SCN9A: variants seen among roughly 807,000 people sequenced by gnomAD.
SCN9A encodes the protein sodium voltage-gated channel alpha subunit 9.
Under a neutral mutation model 187.0 loss-of-function variants are expected in SCN9A, and 131 were observed. That is an observed-to-expected ratio of 0.70 (90% CI 0.61 to 0.81). SCN9A has a LOEUF of 0.81. SCN9A is among the 30% of genes least tolerant of loss of function. The pLI is 0.00. For synonymous variants in SCN9A, 809 were observed against 808.6 expected (o/e 1.00, Z -0.01); for missense variants, 2,252 against 2,396.6 (o/e 0.94, Z 1.26).
chr2:166,349,784 C>T (rs1699989449), intron 1 of SCN9A, among the ~76,000 whole-genome samples: 1 of 152,014 alleles, frequency 6.6e-6, no homozygotes, highest in Non-Finnish European at 1.5e-5. Context: ...ACCAGTCTGA[C>T]CAACATGGAG....
At chr2:166,245,711 C>T (rs140088803) in intron 18 of SCN9A, among the ~76,000 whole-genome samples, 4 of 152,016 alleles carry the variant, frequency 2.6e-5, no homozygotes, top group African/African-American at 9.6e-5. Flanking sequence ...TAAGAATGGG[C>T]AGCACTTTTT....
chr2:166,290,938 A>G (rs1220065219), intron 9 of SCN9A, among the ~76,000 whole-genome samples: 1 of 152,230 alleles, frequency 6.6e-6, no homozygotes, highest in Non-Finnish European at 1.5e-5. Flanking sequence ...TCTCAAAATA[A>G]TAAGAGCTAT....
At chr2:166,296,164 C>A (rs1698291977) in intron 7 of SCN9A, 1 of 152,196 alleles carries the variant, frequency 6.6e-6, no homozygotes, top group Non-Finnish European at 1.5e-5. Context: ...TAAGCCTTAG[C>A]TGCTGCATCT....
intron 17 of SCN9A, among the ~76,000 whole-genome samples, chr2:166,253,004 G>C (rs1033716197): frequency 1.3e-5 from 2 of 151,812 alleles, no homozygotes; most frequent in African/African-American, 4.8e-5. Flanking sequence ...GTTCAAGCAA[G>C]TGCAAGTGCT....
chr2:166,313,089 AATT>A (rs1338725504), intron 1 of SCN9A, among the ~76,000 whole-genome samples: 6 of 148,958 alleles, frequency 4.0e-5, no homozygotes, highest in Non-Finnish European at 5.9e-5. Flanking sequence ...TAAATAATAT[AATT>A]ATTATGTAAT....
Position 166,226,066 on chromosome 2 carries a change from T to G in SCN9A, c.4398+501A>C, listed in dbSNP as rs150198727. On this transcript the variant is annotated intron_variant, in intron 24 of 26. Coordinates refer to ENST00000642356, the MANE Select transcript of SCN9A (RefSeq NM_001365536.1). ...TAATTAATTAAAAATTTCAGAAGAT[T>G]GCTCAAATTACAGTATTCAACAAGT... Among the ~76,000 whole-genome samples, 233 of 152,200 alleles carry G rather than the reference T, an allele frequency of 1.5e-3. 1 individual carries two copies. The highest frequency in any genetic ancestry group is 5.2e-3 in the African/African-American group (215 of 41,506).
chr2:166,222,959 A>AAAAAAAAAAAAAAAAAAAAAAC (rs1558960927), intron 24 of SCN9A, among the ~76,000 whole-genome samples: 2 of 146,910 alleles, frequency 1.4e-5, no homozygotes, highest in Non-Finnish European at 1.5e-5. Flanking sequence ...AAAAAAAAAA[A>AAAAAAAAAAAAAAAAAAAAAAC]AAAAAAAAAA....
chr2:166,269,878 A>C (rs895489153), intron 17 of SCN9A, among the ~76,000 whole-genome samples: 1 of 152,046 alleles, frequency 6.6e-6, no homozygotes, highest in Non-Finnish European at 1.5e-5. Context: ...TCCAAGTTTT[A>C]TTCTGAGAGC....
chr2:166,251,716 C>T, intron 18 of SCN9A, 49 bp downstream of exon 18: 2 of 1,608,174 alleles, frequency 1.2e-6, no homozygotes, highest in South Asian at 1.1e-5. Flanking sequence ...AGACAAACCC[C>T]AGAACACTAA....
At chr2:166,309,320 T>C (rs1698865414) in intron 2 of SCN9A, among the ~76,000 whole-genome samples, 1 of 152,188 alleles carries the variant, frequency 6.6e-6, no homozygotes, top group Non-Finnish European at 1.5e-5. Flanking sequence ...TTCATTCTCA[T>C]TAAAAACTTT....
At chr2:166,287,488 T>G (rs34566252) in intron 10 of SCN9A, among the ~76,000 whole-genome samples, 22,889 of 152,070 alleles carry the variant, frequency 0.15, 2,390 homozygotes, top group African/African-American at 0.29. Flanking sequence ...AAATTTAAAT[T>G]TTTTCTGATT....
intron 17 of SCN9A, among the ~76,000 whole-genome samples, chr2:166,269,988 C>T (rs1696904994): frequency 2.0e-5 from 3 of 151,964 alleles, no homozygotes; most frequent in Admixed American, 1.3e-4. Context: ...GTTTCCCTTT[C>T]CATATGATAC....
chr2:166,346,904 T>C (rs1436475628), intron 1 of SCN9A, among the ~76,000 whole-genome samples: 1 of 152,138 alleles, frequency 6.6e-6, no homozygotes, highest in Non-Finnish European at 1.5e-5. Context: ...GCACAATAGT[T>C]TTGAGAAAAG....
At chr2:166,354,233 A>T (rs1371474211) in intron 1 of SCN9A, among the ~76,000 whole-genome samples, 3 of 152,172 alleles carry the variant, frequency 2.0e-5, no homozygotes, top group Admixed American at 1.3e-4. Context: ...CCATCCTTTT[A>T]TGGAGGCTGA....
intron 16 of SCN9A, among the ~76,000 whole-genome samples, chr2:166,274,179 G>A (rs58844845): frequency 0.024 from 3,586 of 152,074 alleles, 143 homozygotes; most frequent in African/African-American, 0.082. Flanking sequence ...TGGCTCATGC[G>A]GTTCTCACTT....
Position 166,198,425 on chromosome 2 carries a change from A to AATCC in SCN9A, c.*246_*247insGGAT, listed in dbSNP as rs33977864. 8.0e-6 allele frequency: 2 copies of AATCC among 251,232 alleles called. No homozygotes were observed. Among genetic ancestry groups the AATCC allele is most frequent in the Non-Finnish European group, 1.3e-5 (2 of 157,534 alleles). The allele number at this position is 251,232 out of a possible 1,614,324, so 15.6% of individuals were successfully genotyped here. A position where few individuals can be genotyped will look rare whatever the true frequency, so the allele number is the denominator to read the frequency against. ...TGATTTATTAAAAACCAAAAAACTG[A>AATCC]ATCACTTTTGTATGCTATAATCAAT... On this transcript the variant is annotated 3_prime_UTR_variant, in exon 27 of 27. Transcript: ENST00000642356.
At chr2:166,231,507 G>A (rs1263354436) in intron 21 of SCN9A, among the ~76,000 whole-genome samples, 1 of 140,142 alleles carries the variant, frequency 7.1e-6, no homozygotes, top group Non-Finnish European at 1.5e-5. Flanking sequence ...CCATCCTGGA[G>A]TTTCTGACTC....
rs546158464 is a variant in SCN9A at position 166,318,489 on chromosome 2, G to GA, written c.-50-6684dup. On this transcript the variant is annotated intron_variant, in intron 1 of 26. Transcript: ENST00000642356. ...TGAACAGACCAAACTTTTAACTTTA[G>GA]AAAAAAAAAAGCAAACATTGTGGGA... Among the ~76,000 whole-genome samples, 1,036 of 137,818 alleles carry GA rather than the reference G, an allele frequency of 7.5e-3. 5 individuals carry two copies. Among genetic ancestry groups the GA allele is most frequent in the Admixed American group, 0.022 (308 of 13,732 alleles). 90.4% of individuals were successfully genotyped at this position (137,818 alleles called of 152,430 possible).
intron 18 of SCN9A, among the ~76,000 whole-genome samples, chr2:166,250,928 A>C (rs1558983021): frequency 6.6e-6 from 1 of 152,024 alleles, no homozygotes; most frequent in South Asian, 2.1e-4. Flanking sequence ...CTTGAGGGTA[A>C]GGTAGATCAT....
Sources: allele counts gnomAD v4.1 joint callset (sites outside exome capture counted in the v4.1 genomes callset), GRCh38; gene constraint gnomAD v4.1.1; transcripts MANE v1.5; gene names NCBI Gene and HGNC (gene_info 2026-07-23, HGNC 2026-07-21).